ZNF138: variants seen among roughly 807,000 people sequenced by gnomAD.
The protein encoded by ZNF138 is zinc finger protein 138.
Under a neutral mutation model 33.0 loss-of-function variants are expected in ZNF138, and 33 were observed. The ratio of observed to expected loss-of-function variants is 1.00; its 90% CI spans 0.76 to 1.34. The LOEUF is 1.34. Among genes scored for constraint, ZNF138 ranks in the 40% most tolerant of loss-of-function variants. ZNF138 has a pLI of 0.00. For missense variants in ZNF138, 360 were observed against 370.8 expected, an observed-to-expected ratio of 0.97 and a Z score of 0.24; for synonymous variants, 139 against 120.4, an observed-to-expected ratio of 1.15 and a Z score of -1.01.
chr7:64,853,563 G>A, the ZNF138 span, among the ~76,000 whole-genome samples: 1 of 148,008 alleles, frequency 6.8e-6, no homozygotes, highest in Non-Finnish European at 1.5e-5. Flanking sequence ...TTCAAATGAT[G>A]AAACTTACCA....
intron 1 of ZNF138, among the ~76,000 whole-genome samples, chr7:64,806,769 C>T (rs1787634988): frequency 6.6e-6 from 1 of 152,286 alleles, no homozygotes; most frequent in South Asian, 2.1e-4. Context: ...ATAACCCATG[C>T]CCTATAGCTT....
At chr7:64,824,372 A>G (rs1789405348) in intron 3 of ZNF138, among the ~76,000 whole-genome samples, 1 of 152,214 alleles carries the variant, frequency 6.6e-6, no homozygotes. Flanking sequence ...GCAGATGCTG[A>G]CACACACTTC....
At chr7:64,824,114 G>A (rs767443322) in intron 3 of ZNF138, among the ~76,000 whole-genome samples, 18 of 152,148 alleles carry the variant, frequency 1.2e-4, no homozygotes, top group Non-Finnish European at 2.2e-4. Context: ...ACCTCATGCT[G>A]CAATATAATC....
rs1219803512 is a variant in ZNF138 at position 64,832,035 on chromosome 7, C to T, written c.793C>T (p.His265Tyr). Reference sequence around the variant, plus strand: ...TGGCAAAGCCTTTAAACAGTCCTCACACCTTACTAGACATAAGATAATTCA... The same window carrying T: ...TGGCAAAGCCTTTAAACAGTCCTCATACCTTACTAGACATAAGATAATTCA... ...HCGKAFKQSS[H>Y]LTRHKIIHTE... is the part of the protein sequence containing the mutation. The change falls in exon 4 of 4, where the codon CAC becomes TAC. Residue 265 changes from histidine (H) to tyrosine (Y), a missense_variant. Physicochemically the swap from His to Tyr is moderately conservative, Grantham distance 83. Coordinates refer to ENST00000307355, the MANE Select transcript of ZNF138 (RefSeq NM_001271639.2). 1 of 1,613,696 alleles carries T rather than the reference C, an allele frequency of 6.2e-7. No homozygotes were observed. Among genetic ancestry groups the T allele is most frequent in the East Asian group, 2.2e-5 (1 of 44,832 alleles).
At chr7:64,826,546 G>A (rs914657435) in intron 3 of ZNF138, among the ~76,000 whole-genome samples, 4 of 152,136 alleles carry the variant, frequency 2.6e-5, no homozygotes, top group Non-Finnish European at 5.9e-5. Flanking sequence ...TTCCCAAAGT[G>A]CTGAGATTAC....
At chr7:64,847,332 A>ATATATATATATATT in the ZNF138 span, among the ~76,000 whole-genome samples, 2 of 128,140 alleles carry the variant, frequency 1.6e-5, no homozygotes, top group African/African-American at 5.9e-5. Flanking sequence ...ATATATATAT[A>ATATATATATATATT]TTTTTTTTTT....
chr7:64,808,385 T>A (rs955119124), intron 1 of ZNF138, among the ~76,000 whole-genome samples: 2 of 152,194 alleles, frequency 1.3e-5, no homozygotes, highest in Admixed American at 1.3e-4. Context: ...GAAGCAGTCA[T>A]GATCCCTACC....
intron 1 of ZNF138, among the ~76,000 whole-genome samples, chr7:64,800,152 T>A (rs1157602925): frequency 6.6e-6 from 1 of 152,226 alleles, no homozygotes; most frequent in African/African-American, 2.4e-5. Flanking sequence ...AGGGATAGTT[T>A]GACTTTTTCT....
chr7:64,844,897 G>A, the ZNF138 span, among the ~76,000 whole-genome samples: 1 of 152,170 alleles, frequency 6.6e-6, no homozygotes, highest in Non-Finnish European at 1.5e-5. Context: ...ATGTTGGTCA[G>A]GCTGGTCTCG....
At chr7:64,814,185 C>A in intron 1 of ZNF138, 1 of 1,050,552 alleles carries the variant, frequency 9.5e-7, no homozygotes, top group Non-Finnish European at 1.2e-6. Flanking sequence ...AGACTTTATT[C>A]CATATCTTCA....
chr7:64,821,035 G>GTTTTTT (rs71061313), intron 3 of ZNF138, among the ~76,000 whole-genome samples: 4 of 146,008 alleles, frequency 2.7e-5, no homozygotes, highest in African/African-American at 7.7e-5. Context: ...TGAGGTGATT[G>GTTTTTT]TTTTTTTTTG....
At chr7:64,820,231 C>G (rs1367103929) in intron 3 of ZNF138, among the ~76,000 whole-genome samples, 1 of 67,094 alleles carries the variant, frequency 1.5e-5, no homozygotes, top group Non-Finnish European at 2.8e-5. Context: ...CACCCTTCCA[C>G]TTTGGATTTT....
intron 3 of ZNF138, among the ~76,000 whole-genome samples, chr7:64,828,140 A>C (rs1789790350): frequency 6.6e-6 from 1 of 151,456 alleles, no homozygotes; most frequent in South Asian, 2.1e-4. Context: ...GAGAGAAAAA[A>C]CTTTTGGATT....
In ZNF138 at chr7:64,804,341, C is replaced by A. The variant is rs537343875; in HGVS notation, c.3+9770C>A. Among the ~76,000 whole-genome samples, 217 of 152,282 alleles carry A rather than the reference C, an allele frequency of 1.4e-3. 1 individual carries two copies. Among genetic ancestry groups the A allele is most frequent in the African/African-American group, 4.6e-3 (193 of 41,560 alleles). On this transcript the variant is annotated intron_variant, in intron 1 of 3. Transcript: ENST00000307355. ...GCATGCAGCCCCCAGTCATGTACCC[C>A]CTGCTTGCTCAATTGATCACAGCCT...
the ZNF138 span, among the ~76,000 whole-genome samples, chr7:64,857,947 T>C: frequency 6.6e-6 from 1 of 152,228 alleles, no homozygotes; most frequent in Non-Finnish European, 1.5e-5. Context: ...TTTGATATTG[T>C]AGAACTATAG....
intron 1 of ZNF138, 149 bp downstream of exon 1, chr7:64,794,720 C>A: frequency 1.7e-6 from 2 of 1,211,442 alleles, no homozygotes; most frequent in East Asian, 4.9e-5. Flanking sequence ...CCTCAGTCCC[C>A]TTAAGCCATA....
intron 3 of ZNF138, among the ~76,000 whole-genome samples, chr7:64,821,161 CTCGCT>C (rs1789116442): frequency 1.7e-3 from 2 of 1,190 alleles, no homozygotes; most frequent in Non-Finnish European, 6.5e-3. Context: ...GCAATCTCGG[CTCGCT>C]GCAACCTCCA....
chr7:64,841,550 C>T, the ZNF138 span, among the ~76,000 whole-genome samples: 1 of 152,124 alleles, frequency 6.6e-6, no homozygotes, highest in South Asian at 2.1e-4. Context: ...TGATTCTTCC[C>T]GTGGAGATAA....
intron 3 of ZNF138, among the ~76,000 whole-genome samples, chr7:64,827,587 T>A (rs1441144615): frequency 6.6e-6 from 1 of 152,034 alleles, no homozygotes; most frequent in African/African-American, 2.4e-5. Context: ...TCTTGGAGAG[T>A]CTTTATTTTT....
Sources: allele counts gnomAD v4.1 joint callset (sites outside exome capture counted in the v4.1 genomes callset), GRCh38; gene constraint gnomAD v4.1.1; transcripts MANE v1.5; gene names NCBI Gene and HGNC (gene_info 2026-07-23, HGNC 2026-07-21).